The following FAM13A variants were observed in gnomAD, a reference collection of about 807,000 sequenced individuals.
The protein encoded by FAM13A is protein FAM13A.
FAM13A carries 76 observed loss-of-function variants against 129.6 expected under a neutral mutation model. That is an observed-to-expected ratio of 0.59 (90% CI 0.49 to 0.71). The LOEUF is 0.71. Ranked by LOEUF, FAM13A falls within the 30% of genes least tolerant of loss-of-function variation. The pLI is 0.00. For synonymous variants in FAM13A, 443 were observed against 449.9 expected, an observed-to-expected ratio of 0.98 and a Z score of 0.20; for missense variants, 1,108 against 1,249.3, an observed-to-expected ratio of 0.89 and a Z score of 1.70.
At chr4:88,767,659 CCA>C in intron 12 of FAM13A, 64 bp from the exon 13 acceptor site, 1 of 1,245,756 alleles carries the variant, frequency 8.0e-7, no homozygotes, top group Non-Finnish European at 1.1e-6. Context: ...CGTTTTTCAT[CCA>C]CTGATATTAT....
intron 11 of FAM13A, among the ~76,000 whole-genome samples, chr4:88,779,674 AATGGAATTAGG>A: frequency 6.6e-6 from 1 of 152,182 alleles, no homozygotes; most frequent in East Asian, 1.9e-4. Flanking sequence ...AAAAACCCCA[AATGGAATTAGG>A]ATCTTCCATC....
chr4:88,998,018 T>C (rs73845058), intron 3 of FAM13A, among the ~76,000 whole-genome samples: 252 of 152,260 alleles, frequency 1.7e-3, no homozygotes, highest in African/African-American at 5.7e-3. Flanking sequence ...AGCAAAGAAA[T>C]AGAGACTTCA....
chr4:88,822,353 C>T (rs570223346), intron 7 of FAM13A, among the ~76,000 whole-genome samples: 1 of 152,234 alleles, frequency 6.6e-6, no homozygotes, highest in South Asian at 2.1e-4. Context: ...TTCGCCTCCC[C>T]CCAGACCCAC....
At chr4:88,901,057 A>G (rs1444685731) in intron 6 of FAM13A, among the ~76,000 whole-genome samples, 1 of 152,200 alleles carries the variant, frequency 6.6e-6, no homozygotes, top group African/African-American at 2.4e-5. Context: ...AGAGCTTTAC[A>G]TAATGGAAAA....
intron 11 of FAM13A, among the ~76,000 whole-genome samples, chr4:88,776,661 G>GT (rs1274875869): frequency 6.6e-6 from 1 of 151,928 alleles, no homozygotes; most frequent in Non-Finnish European, 1.5e-5. Flanking sequence ...AATATATATG[G>GT]TTTTTTTGAT....
At position 88,906,361 on chromosome 4, in the gene FAM13A, A is replaced by G; in HGVS notation, c.843+18T>C. On this transcript the variant is annotated intron_variant, in intron 6 of 23. Coordinates refer to ENST00000264344, the MANE Select transcript of FAM13A (RefSeq NM_014883.4). Reference sequence around the variant, plus strand: ...CTAAAGATTTCACATGGTCGCCTACAGAGAAAACATAGTTTACCTTGGTTT... The same window carrying G: ...CTAAAGATTTCACATGGTCGCCTACGGAGAAAACATAGTTTACCTTGGTTT... 1 of 1,521,566 alleles carries G rather than the reference A, an allele frequency of 6.6e-7. No homozygotes were observed. Among genetic ancestry groups the G allele is most frequent in the Non-Finnish European group, 9.1e-7 (1 of 1,102,322 alleles). The allele number at this position is 1,521,566 out of a possible 1,614,324, so 94.3% of individuals were successfully genotyped here.
At chr4:88,977,751 A>G (rs1184515459) in intron 4 of FAM13A, among the ~76,000 whole-genome samples, 1 of 152,164 alleles carries the variant, frequency 6.6e-6, no homozygotes, top group African/African-American at 2.4e-5. Context: ...TTGTTTTGAA[A>G]ACTAAGACTT....
At chr4:88,932,126 A>T (rs1753127449) in intron 5 of FAM13A, among the ~76,000 whole-genome samples, 2 of 152,214 alleles carry the variant, frequency 1.3e-5, no homozygotes, top group South Asian at 4.1e-4. Context: ...AAATGAAAAC[A>T]CATATAAAAG....
At position 88,793,021 on chromosome 4, in the gene FAM13A, G is replaced by A. The variant is rs546370437; in HGVS notation, c.1050-2394C>T. 4.5e-4 allele frequency among the ~76,000 whole-genome samples: 68 copies of A among 152,148 alleles called. 1 individual carries two copies. Among genetic ancestry groups the A allele is most frequent in the African/African-American group, 1.4e-3 (60 of 41,550 alleles). ...CTTGGCACTTGTTAATACAGACTGT[G>A]ATTCAGCAGGTCTAGGTCTTGGGAA... On this transcript the variant is annotated intron_variant, in intron 8 of 23. Transcript: ENST00000264344.
chr4:88,851,451 C>T, intron 6 of FAM13A, among the ~76,000 whole-genome samples: 1 of 151,680 alleles, frequency 6.6e-6, no homozygotes, highest in East Asian at 1.9e-4. Flanking sequence ...TGGCAGAAAT[C>T]TTCCCCAGGC....
At chr4:88,749,310 T>C (rs1282196372) in intron 16 of FAM13A, among the ~76,000 whole-genome samples, 1 of 152,188 alleles carries the variant, frequency 6.6e-6, no homozygotes, top group Non-Finnish European at 1.5e-5. Context: ...CCATTATTTG[T>C]AGGGTTCAAC....
intron 8 of FAM13A, 30 bp from the exon 9 acceptor site, chr4:88,790,657 G>A (rs1391108163): frequency 1.2e-6 from 2 of 1,600,702 alleles, no homozygotes; most frequent in African/African-American, 2.7e-5. Flanking sequence ...AGAAAGTCAG[G>A]TTAGATGAAA....
chr4:88,754,596 T>C (rs1438582664), intron 14 of FAM13A, among the ~76,000 whole-genome samples: 2 of 152,232 alleles, frequency 1.3e-5, no homozygotes, highest in East Asian at 3.8e-4. Flanking sequence ...AGGAGGTACT[T>C]GGACATCCCA....
At chr4:88,771,843 T>C (rs1720742213) in intron 11 of FAM13A, among the ~76,000 whole-genome samples, 1 of 152,228 alleles carries the variant, frequency 6.6e-6, no homozygotes, top group Admixed American at 6.5e-5. Context: ...ATTTTGATAA[T>C]TTTGGGGTGT....
At chr4:88,905,093 T>A (rs965429423) in intron 6 of FAM13A, among the ~76,000 whole-genome samples, 1 of 152,172 alleles carries the variant, frequency 6.6e-6, no homozygotes, top group Non-Finnish European at 1.5e-5. Context: ...GAAGATCTAC[T>A]GCACTTGACT....
rs10674716 is a variant in FAM13A at position 88,771,151 on chromosome 4, A to ATTTTTT, written c.1459-3098_1459-3093dup. On this transcript the variant is annotated intron_variant, in intron 11 of 23. Transcript: ENST00000264344. ...TGAAGAATGCTACAACCCGGAAAGCATTTTTTTTTTTTTTCAGAATGAAAC... is the reference window on the plus strand; with the variant it reads ...TGAAGAATGCTACAACCCGGAAAGCATTTTTTTTTTTTTTTTTTTTCAGAATGAAAC... 9.5e-3 allele frequency among the ~76,000 whole-genome samples: 1,361 copies of ATTTTTT among 143,470 alleles called. 16 individuals are homozygous for ATTTTTT. Among genetic ancestry groups the ATTTTTT allele is most frequent in the African/African-American group, 0.017 (676 of 39,338 alleles). The allele number at this position is 143,470 out of a possible 152,430, so 94.1% of individuals were successfully genotyped here.
intron 11 of FAM13A, among the ~76,000 whole-genome samples, chr4:88,770,453 T>G (rs1720444809): frequency 6.6e-6 from 1 of 152,182 alleles, no homozygotes; most frequent in Admixed American, 6.5e-5. Flanking sequence ...ACAGTGTCAA[T>G]GAAATGATAC....
rs772796994 is a variant in FAM13A, at chr4:88,906,406, GTC to G, written c.814_815del (p.Asp272HisfsTer16). ...TGGTTTTTGGAGGTGGTTTTGGCAT[GTC>G]TCTTTCTAAGCCTCTTGTTAAAAGG... ...PILLTRGLER[D>X]MPKPPPKTKI... is the part of the protein sequence containing the mutation. On this transcript the variant is annotated frameshift_variant, in exon 6 of 24. Transcript: ENST00000264344. LOFTEE classifies it high-confidence loss of function. The G allele has an allele frequency of 6.0e-5, 97 of 1,611,892 alleles. No homozygotes were observed. The highest frequency in any genetic ancestry group is 2.0e-4 in the Admixed American group (12 of 59,720).
At chr4:88,807,088 A>G (rs1235001844) in intron 7 of FAM13A, among the ~76,000 whole-genome samples, 1 of 152,152 alleles carries the variant, frequency 6.6e-6, no homozygotes, top group Non-Finnish European at 1.5e-5. Flanking sequence ...CTTTGCCCAG[A>G]ACAGATCCTT....
Sources: allele counts gnomAD v4.1 joint callset (sites outside exome capture counted in the v4.1 genomes callset), GRCh38; gene constraint gnomAD v4.1.1; transcripts MANE v1.5; gene names NCBI Gene and HGNC (gene_info 2026-07-23, HGNC 2026-07-21).